Variants in SLC35F4 observed in about 807,000 individuals in gnomAD.
The protein encoded by SLC35F4 is solute carrier family 35 member F4, also known as chromosome 14 open reading frame 36.
In SLC35F4, 24 loss-of-function variants were observed where a neutral mutation model predicts 44.2. The ratio of observed to expected loss-of-function variants is 0.54; its 90% CI spans 0.39 to 0.76. The LOEUF (loss-of-function observed/expected upper bound fraction) is 0.76. SLC35F4 is among the 30% of genes least tolerant of loss of function. SLC35F4 has a pLI of 0.00. For synonymous variants in SLC35F4, 238 were observed against 223.6 expected, an observed-to-expected ratio of 1.06 and a Z score of -0.57; for missense variants, 562 against 586.1, an observed-to-expected ratio of 0.96 and a Z score of 0.42.
intron 1 of SLC35F4, among the ~76,000 whole-genome samples, chr14:57,865,501 G>A (rs866940719): frequency 8.5e-5 from 13 of 152,190 alleles, no homozygotes; most frequent in African/African-American, 3.1e-4. Flanking sequence ...CAAACTCCTG[G>A]GCGCACCCAG....
chr14:57,787,251 T>C (rs2077788142), intron 1 of SLC35F4, among the ~76,000 whole-genome samples: 1 of 152,096 alleles, frequency 6.6e-6, no homozygotes, highest in Non-Finnish European at 1.5e-5. Flanking sequence ...AGCCTCTAAG[T>C]AGTCTGGGAT....
chr14:57,647,880 C>T (rs532132561), intron 1 of SLC35F4, among the ~76,000 whole-genome samples: 1 of 152,100 alleles, frequency 6.6e-6, no homozygotes, highest in Admixed American at 6.6e-5. Context: ...CCTGTTAGTT[C>T]GGTTAGCCAG....
chr14:57,669,917 C>T (rs1354204659), intron 1 of SLC35F4, among the ~76,000 whole-genome samples: 1 of 152,058 alleles, frequency 6.6e-6, no homozygotes, highest in Non-Finnish European at 1.5e-5. Context: ...ACCAGCTCCT[C>T]CTTATACCTC....
At chr14:57,981,779 AAAT>A (rs1881389594) in intron 1 of SLC35F4, 1 of 152,220 alleles carries the variant, frequency 6.6e-6, no homozygotes, top group South Asian at 2.1e-4. Flanking sequence ...ATTATATTTG[AAAT>A]AATAAACTTG....
chr14:57,963,387 G>T (rs1010692659), intron 1 of SLC35F4, among the ~76,000 whole-genome samples: 10 of 152,180 alleles, frequency 6.6e-5, no homozygotes, highest in African/African-American at 2.4e-4. Context: ...CAAAGGACAG[G>T]ACGTGTCTTC....
intron 1 of SLC35F4, among the ~76,000 whole-genome samples, chr14:57,597,510 C>A (rs1001443234): frequency 2.6e-5 from 4 of 152,160 alleles, no homozygotes; most frequent in Non-Finnish European, 5.9e-5. Context: ...ATAGTTTGTA[C>A]CTTCATGGAA....
chr14:57,750,249 C>T (rs1167434841), intron 1 of SLC35F4, among the ~76,000 whole-genome samples: 2 of 152,064 alleles, frequency 1.3e-5, no homozygotes, highest in Non-Finnish European at 2.9e-5. Flanking sequence ...AATAGTATTT[C>T]ATTGTGTATA....
intron 1 of SLC35F4, among the ~76,000 whole-genome samples, chr14:57,641,111 C>T (rs1451739350): frequency 1.3e-5 from 2 of 151,882 alleles, no homozygotes; most frequent in African/African-American, 4.8e-5. Context: ...CAAACACTAA[C>T]TAGCCTTAGA....
chr14:57,894,691 T>G (rs1888836987), intron 1 of SLC35F4, among the ~76,000 whole-genome samples: 1 of 152,158 alleles, frequency 6.6e-6, no homozygotes, highest in African/African-American at 2.4e-5. Context: ...GCAAAACTAC[T>G]TATATTCATG....
In SLC35F4 at chr14:57,620,917, C is replaced by T. The variant is rs185110802; in HGVS notation, c.104-26793G>A. On this transcript the variant is annotated intron_variant, in intron 1 of 7. Transcript: ENST00000556826. ...GTACATGATTGTACATCTAGAAAAC[C>T]CCATCATCTCAGCCCAAAATCTCCT... Among the ~76,000 whole-genome samples, 190 of 152,018 alleles carry T rather than the reference C, an allele frequency of 1.2e-3. 1 individual carries two copies. Among genetic ancestry groups the T allele is most frequent in the African/African-American group, 4.3e-3 (179 of 41,466 alleles).
At chr14:57,675,095 T>C (rs902354621) in intron 1 of SLC35F4, among the ~76,000 whole-genome samples, 2 of 152,052 alleles carry the variant, frequency 1.3e-5, no homozygotes, top group African/African-American at 2.4e-5. Flanking sequence ...TCATTTATGG[T>C]AGAAAACAAC....
At position 57,594,216 on chromosome 14, in the gene SLC35F4, G is replaced by T. The variant is rs772262002; in HGVS notation, c.104-92C>A. On this transcript the variant is annotated intron_variant, in intron 1 of 7. Coordinates refer to ENST00000556826, the MANE Select transcript of SLC35F4 (RefSeq NM_001306087.2). The stretch of plus-strand genomic sequence containing the variant: ...TATTTAATTATTGTTTGGAAACAGG[G>T]TCTCACTCTGTCACCCAGGCTAGAG... The T allele has an allele frequency of 2.4e-4, 291 of 1,221,678 alleles. 1 individual carries two copies. The highest frequency in any genetic ancestry group is 3.2e-4 in the Non-Finnish European group (288 of 888,576). 75.7% of individuals were successfully genotyped at this position (1,221,678 alleles called of 1,614,324 possible).
chr14:57,870,271 T>C (rs188286917), upstream of SLC35F4, among the ~76,000 whole-genome samples: 1 of 152,174 alleles, frequency 6.6e-6, no homozygotes, highest in Admixed American at 6.5e-5. Context: ...TCTGTCTTTC[T>C]CTTTCTCCTT....
chr14:57,802,985 C>CAAAAAAAAA (rs59647111), intron 1 of SLC35F4, among the ~76,000 whole-genome samples: 4 of 71,278 alleles, frequency 5.6e-5, no homozygotes, highest in Non-Finnish European at 1.0e-4. Context: ...GCAGAGATAC[C>CAAAAAAAAA]AAAAAAAAAA....
At chr14:57,844,873 G>C (rs1885860150) in intron 1 of SLC35F4, among the ~76,000 whole-genome samples, 1 of 152,064 alleles carries the variant, frequency 6.6e-6, no homozygotes, top group South Asian at 2.1e-4. Context: ...CTGGACCTTT[G>C]TTACTAGTAG....
chr14:57,762,764 C>A (rs2077154398), intron 1 of SLC35F4, among the ~76,000 whole-genome samples: 1 of 152,040 alleles, frequency 6.6e-6, no homozygotes, highest in Admixed American at 6.6e-5. Flanking sequence ...CTATATGATG[C>A]CTTCTACCAT....
intron 1 of SLC35F4, among the ~76,000 whole-genome samples, chr14:57,723,754 T>C (rs1312207009): frequency 2.6e-5 from 4 of 152,232 alleles, no homozygotes; most frequent in Non-Finnish European, 5.9e-5. Context: ...CTTTGTGTCA[T>C]AATCTTACTC....
chr14:57,788,333 T>G (rs1183759936), intron 1 of SLC35F4, among the ~76,000 whole-genome samples: 1 of 151,908 alleles, frequency 6.6e-6, no homozygotes, highest in Non-Finnish European at 1.5e-5. Context: ...ACATCAATAC[T>G]CCACCGACAG....
At chr14:57,565,088 C>G (rs918716927) in intron 7 of SLC35F4, among the ~76,000 whole-genome samples, 4 of 152,222 alleles carry the variant, frequency 2.6e-5, no homozygotes, top group African/African-American at 9.6e-5. Flanking sequence ...CTTCTTATGG[C>G]TGAATAATAT....
Sources: allele counts gnomAD v4.1 joint callset (sites outside exome capture counted in the v4.1 genomes callset), GRCh38; gene constraint gnomAD v4.1.1; transcripts MANE v1.5; gene names NCBI Gene and HGNC (gene_info 2026-07-23, HGNC 2026-07-21).